Variants in NEGR1 observed in about 807,000 individuals in gnomAD.
NEGR1 encodes neuronal growth regulator 1, also known as IgLON family member 4.
A neutral mutation model predicts 40.9 loss-of-function variants in NEGR1; 10 were observed. That is an observed-to-expected ratio of 0.24 (90% CI 0.15 to 0.42). The LOEUF (loss-of-function observed/expected upper bound fraction) is 0.42. NEGR1 is among the 10% of genes least tolerant of loss of function. The pLI is 1.00. For synonymous variants in NEGR1, 185 were observed against 166.8 expected (o/e 1.11, Z -0.84); for missense variants, 352 against 438.9 (o/e 0.80, Z 1.77).
intron 1 of NEGR1, among the ~76,000 whole-genome samples, chr1:72,199,497 A>G (rs1056926822): frequency 1.3e-5 from 2 of 152,008 alleles, no homozygotes; most frequent in African/African-American, 2.4e-5. Context: ...TCAAATTCGC[A>G]GGTTTCCTAT....
chr1:71,829,590 G>A (rs901588878), intron 2 of NEGR1, among the ~76,000 whole-genome samples: 2 of 151,560 alleles, frequency 1.3e-5, no homozygotes, highest in Non-Finnish European at 2.9e-5. Context: ...TACCAAAATC[G>A]AAACGATCAA....
intron 3 of NEGR1, among the ~76,000 whole-genome samples, chr1:71,773,555 G>A (rs148239415): frequency 1.1e-4 from 16 of 152,010 alleles, no homozygotes; most frequent in East Asian, 5.8e-4. Flanking sequence ...TAGAATTATC[G>A]GACATGTTCC....
intron 3 of NEGR1, among the ~76,000 whole-genome samples, chr1:71,766,320 C>T (rs913805423): frequency 6.6e-6 from 1 of 151,968 alleles, no homozygotes; most frequent in Non-Finnish European, 1.5e-5. Context: ...GAATCTCAAA[C>T]ATGACAGGAG....
At chr1:71,522,415 G>A (rs761330170) in intron 6 of NEGR1, among the ~76,000 whole-genome samples, 1 of 151,856 alleles carries the variant, frequency 6.6e-6, no homozygotes, top group Non-Finnish European at 1.5e-5. Flanking sequence ...CTACCTTTGT[G>A]TCTGAGTATA....
At chr1:72,055,258 T>C (rs1486084) in intron 1 of NEGR1, among the ~76,000 whole-genome samples, 57,725 of 150,954 alleles carry the variant, frequency 0.38, 12,020 homozygotes, top group East Asian at 0.6. Context: ...AGACTAAGTT[T>C]ACATCATCTT....
At chr1:72,166,129 C>T (rs1232507115) in intron 1 of NEGR1, among the ~76,000 whole-genome samples, 1 of 152,024 alleles carries the variant, frequency 6.6e-6, no homozygotes, top group Middle Eastern at 3.4e-3. Flanking sequence ...AAAATATATA[C>T]CTTTTTTCCC....
intron 1 of NEGR1, among the ~76,000 whole-genome samples, chr1:72,081,777 C>T (rs181259970): frequency 1.8e-4 from 28 of 152,106 alleles, no homozygotes; most frequent in African/African-American, 6.7e-4. Flanking sequence ...AAAAGCAGCT[C>T]GCTTGATTCC....
chr1:71,856,057 C>G (rs952239601), intron 2 of NEGR1, among the ~76,000 whole-genome samples: 10 of 151,956 alleles, frequency 6.6e-5, no homozygotes, highest in Non-Finnish European at 1.2e-4. Context: ...TCCCATGAGC[C>G]CTTCTGACTG....
At chr1:72,004,547 G>T (rs573428952) in intron 1 of NEGR1, among the ~76,000 whole-genome samples, 26 of 152,186 alleles carry the variant, frequency 1.7e-4, no homozygotes, top group African/African-American at 5.5e-4. Flanking sequence ...GCCTCCCAAA[G>T]TTCAGGGATT....
At chr1:71,597,985 AAAACTTT>A (rs575602236) in intron 5 of NEGR1, among the ~76,000 whole-genome samples, 53 of 152,324 alleles carry the variant, frequency 3.5e-4, no homozygotes, top group African/African-American at 1.2e-3. Context: ...CGACACACAG[AAAACTTT>A]AAGCATGTTG....
intron 1 of NEGR1, among the ~76,000 whole-genome samples, chr1:72,232,597 C>A (rs879153550): frequency 3.3e-5 from 5 of 152,076 alleles, no homozygotes; most frequent in Admixed American, 3.3e-4. Flanking sequence ...ACAGGTTAAG[C>A]AATATTTTTT....
intron 1 of NEGR1, among the ~76,000 whole-genome samples, chr1:71,999,004 T>C (rs1026237443): frequency 6.6e-6 from 1 of 151,890 alleles, no homozygotes; most frequent in Non-Finnish European, 1.5e-5. Context: ...ACGATCAATA[T>C]AGTTTTCTTA....
At chr1:71,607,756 C>A (rs978776356) in intron 5 of NEGR1, among the ~76,000 whole-genome samples, 3 of 151,992 alleles carry the variant, frequency 2.0e-5, no homozygotes, top group African/African-American at 7.3e-5. Flanking sequence ...TGCAGTGGAG[C>A]AATCTCGGCT....
intron 2 of NEGR1, among the ~76,000 whole-genome samples, chr1:71,932,280 TA>T (rs1447557958): frequency 3.3e-5 from 5 of 152,006 alleles, no homozygotes; most frequent in Non-Finnish European, 7.4e-5. Context: ...GGATTTTTGT[TA>T]TTTTTTTATT....
chr1:71,725,070 A>G (rs1006721896), intron 3 of NEGR1, among the ~76,000 whole-genome samples: 2 of 152,116 alleles, frequency 1.3e-5, no homozygotes, highest in African/African-American at 4.8e-5. Context: ...AAACTGTTTC[A>G]TATATTCTTG....
chr1:71,574,679 G>A (rs1648906722), intron 6 of NEGR1, among the ~76,000 whole-genome samples: 1 of 152,220 alleles, frequency 6.6e-6, no homozygotes, highest in South Asian at 2.1e-4. Context: ...ACCACTACAA[G>A]ATACAGCACA....
chr1:71,489,607 T>C (rs1646912026), intron 6 of NEGR1: 1 of 151,860 alleles, frequency 6.6e-6, no homozygotes, highest in South Asian at 2.1e-4. Context: ...ACTAGTAGAG[T>C]CATGATTTAA....
At chr1:72,073,197 G>T (rs1647549838) in intron 1 of NEGR1, among the ~76,000 whole-genome samples, 1 of 152,024 alleles carries the variant, frequency 6.6e-6, no homozygotes, top group African/African-American at 2.4e-5. Flanking sequence ...TTGGGTCAAG[G>T]TCACCAGGCC....
At chr1:71,563,588 G>T (rs1306768259) in intron 6 of NEGR1, among the ~76,000 whole-genome samples, 1 of 151,890 alleles carries the variant, frequency 6.6e-6, no homozygotes, top group Non-Finnish European at 1.5e-5. Flanking sequence ...ATCATTTAGA[G>T]AAATAGAAGA....
Sources: allele counts gnomAD v4.1 joint callset (sites outside exome capture counted in the v4.1 genomes callset), GRCh38; gene constraint gnomAD v4.1.1; transcripts MANE v1.5; gene names NCBI Gene and HGNC (gene_info 2026-07-23, HGNC 2026-07-21).